Variants in USP37 observed in about 807,000 individuals in gnomAD.
USP37 encodes ubiquitin specific peptidase 37, also known as ubiquitin carboxyl-terminal hydrolase 37.
Under a neutral mutation model 124.0 loss-of-function variants are expected in USP37, and 27 were observed. The observed-to-expected ratio is 0.22, with a 90% CI of 0.16 to 0.30. USP37 has a LOEUF of 0.30. Ranked by LOEUF, USP37 falls within the 10% of genes least tolerant of loss-of-function variation. The pLI is 1.00. For synonymous variants in USP37, 365 were observed against 388.0 expected (o/e 0.94, Z 0.70); for missense variants, 889 against 1,140.4 (o/e 0.78, Z 3.17).
intron 10 of USP37, among the ~76,000 whole-genome samples, chr2:218,510,740 C>T (rs187834602): frequency 6.6e-6 from 1 of 152,284 alleles, no homozygotes; most frequent in African/African-American, 2.4e-5. Context: ...CGCCTGTAAG[C>T]CCAGTACTTT....
chr2:218,493,894 TA>T (rs1199573489), intron 14 of USP37, among the ~76,000 whole-genome samples: 1 of 152,040 alleles, frequency 6.6e-6, no homozygotes, highest in Non-Finnish European at 1.5e-5. Context: ...AATTTTCCTA[TA>T]AAAAAAATTT....
At chr2:218,489,865 TTC>T (rs1691827339) in intron 14 of USP37, among the ~76,000 whole-genome samples, 1 of 152,204 alleles carries the variant, frequency 6.6e-6, no homozygotes, top group South Asian at 2.1e-4. Context: ...GCAATATGTT[TTC>T]TTTTAGTTGG....
intron 10 of USP37, 142 bp downstream of exon 10, chr2:218,529,814 T>C (rs1371244967): frequency 4.9e-6 from 3 of 609,042 alleles, no homozygotes; most frequent in Non-Finnish European, 8.4e-6. Context: ...CTAACTAACA[T>C]GTCAGGATTC....
intron 5 of USP37, among the ~76,000 whole-genome samples, chr2:218,550,466 A>G (rs497983): frequency 0.46 from 70,312 of 151,758 alleles, 19,435 homozygotes; most frequent in East Asian, 0.78. Context: ...GCCAATTTCC[A>G]ACTGATGACC....
At chr2:218,466,260 A>G in intron 20 of USP37, 84 bp from the exon 21 acceptor site, 1 of 1,403,106 alleles carries the variant, frequency 7.1e-7, no homozygotes, top group Non-Finnish European at 9.6e-7. Flanking sequence ...CTGTTCATAA[A>G]GCAATTTACC....
At chr2:218,559,201 C>A (rs1390666623) in intron 3 of USP37, among the ~76,000 whole-genome samples, 1 of 152,090 alleles carries the variant, frequency 6.6e-6, no homozygotes, top group Non-Finnish European at 1.5e-5. Flanking sequence ...GTCTCAGCTT[C>A]TAGAGGGGCT....
chr2:218,475,546 C>A (rs1032243577), intron 19 of USP37, among the ~76,000 whole-genome samples: 2 of 152,110 alleles, frequency 1.3e-5, no homozygotes, highest in Non-Finnish European at 2.9e-5. Flanking sequence ...ATCAGCCTGG[C>A]CAACATGGAT....
At chr2:218,558,829 T>G (rs1004978382) in intron 3 of USP37, 152 bp from the exon 4 acceptor site, 4 of 495,760 alleles carry the variant, frequency 8.1e-6, no homozygotes, top group African/African-American at 7.8e-5. Flanking sequence ...CAGTACTGTA[T>G]TTATTAGTGC....
At chr2:218,550,683 C>A (rs1051735201) in intron 5 of USP37, among the ~76,000 whole-genome samples, 1 of 149,570 alleles carries the variant, frequency 6.7e-6, no homozygotes, top group Non-Finnish European at 1.5e-5. Flanking sequence ...ATGAGAGTAT[C>A]TTGCTTCCCC....
intron 8 of USP37, among the ~76,000 whole-genome samples, chr2:218,540,097 C>G (rs1001390972): frequency 1.3e-5 from 2 of 152,098 alleles, no homozygotes; most frequent in Non-Finnish European, 2.9e-5. Context: ...TTTGGCACAT[C>G]TGAATTGCCA....
At position 218,520,130 on chromosome 2, in the gene USP37, G is replaced by A. The variant is rs1690524071; in HGVS notation, c.863+9826C>T. Among the ~76,000 whole-genome samples the A allele has an allele frequency of 2.6e-5, 4 of 151,578 alleles. No homozygotes were observed. The South Asian group carries it at 8.4e-4, about 32-fold the overall frequency. ...TTTTTGTATTTTTAGTAAAGACGAGGTTTCACCATGTTGTCCAGGCTGGTC... is the reference window on the plus strand; with the variant it reads ...TTTTTGTATTTTTAGTAAAGACGAGATTTCACCATGTTGTCCAGGCTGGTC... On this transcript the variant is annotated intron_variant, in intron 10 of 25. Transcript: ENST00000258399.
Position 218,466,112 on chromosome 2 carries a change from T to G in USP37, c.2364A>C (p.Glu788Asp), listed in dbSNP as rs1277517552. 1.2e-6 allele frequency: 2 copies of G among 1,614,026 alleles called. No individual in the cohort carries two copies. Among genetic ancestry groups the G allele is most frequent in the South Asian group, 1.1e-5 (1 of 91,024 alleles). The change falls in exon 21 of 26, where the codon GAA becomes GAC. Residue 788 changes from glutamate (E) to aspartate (D), a missense_variant. Around this residue, in one of 3 missense-constraint regions of USP37, gnomAD observed 504 missense variants for 714.3 expected, o/e 0.71. Coordinates refer to ENST00000258399, the MANE Select transcript of USP37 (RefSeq NM_020935.3). ...CDENKENKTP[E>D]GSQGEVDWLQ... ...GCCAATCAACTTCTCCCTGAGATCC[T>G]TCTGGAGTTTTGTTTTCTTTATTCT...
intron 10 of USP37, among the ~76,000 whole-genome samples, chr2:218,510,988 G>C (rs6717433): frequency 0.28 from 42,601 of 151,380 alleles, 7,555 homozygotes; most frequent in Non-Finnish European, 0.39. Context: ...AAGTGAGAAG[G>C]CATCTCCAAA....
chr2:218,469,100 G>T (rs1170373471), intron 20 of USP37, among the ~76,000 whole-genome samples: 1 of 152,194 alleles, frequency 6.6e-6, no homozygotes, highest in East Asian at 1.9e-4. Flanking sequence ...GTACTGAATT[G>T]CTGAGTGAAT....
At chr2:218,503,641 G>A (rs1212923044) in intron 11 of USP37, among the ~76,000 whole-genome samples, 1 of 152,160 alleles carries the variant, frequency 6.6e-6, no homozygotes, top group African/African-American at 2.4e-5. Flanking sequence ...CTTGAACCCG[G>A]GAGGCGGAGG....
At chr2:218,490,661 G>C (rs1276517412) in intron 14 of USP37, among the ~76,000 whole-genome samples, 1 of 152,130 alleles carries the variant, frequency 6.6e-6, no homozygotes, top group Non-Finnish European at 1.5e-5. Flanking sequence ...CTCTCTAACA[G>C]GCAGAATTCT....
chr2:218,506,465 A>G (rs1229996348), intron 11 of USP37, among the ~76,000 whole-genome samples: 1 of 149,888 alleles, frequency 6.7e-6, no homozygotes, highest in African/African-American at 2.5e-5. Flanking sequence ...TAATTTTTCT[A>G]TTTTTAGTAG....
intron 22 of USP37, among the ~76,000 whole-genome samples, chr2:218,460,185 G>A (rs191074571): frequency 2.1e-3 from 313 of 151,224 alleles, no homozygotes; most frequent in Non-Finnish European, 3.1e-3. Flanking sequence ...TTGAACCCAG[G>A]AGGCAGAGAT....
At position 218,466,007 on chromosome 2, in the gene USP37, T is replaced by C; in HGVS notation, c.2466+3A>G. On this transcript the variant is annotated splice_donor_region_variant and intron_variant, in intron 21 of 25. Transcript: ENST00000258399. ...AGAAAGTAGCAATATAAATATCTCT[T>C]ACTTGCTCTTGAAGGCTCTGAGCCA... 1 of 1,603,366 alleles carries C rather than the reference T, an allele frequency of 6.2e-7. No homozygotes were observed. Among genetic ancestry groups the C allele is most frequent in the Non-Finnish European group, 8.5e-7 (1 of 1,177,748 alleles).
Sources: allele counts gnomAD v4.1 joint callset (sites outside exome capture counted in the v4.1 genomes callset), GRCh38; gene constraint gnomAD v4.1.1; regional missense constraint gnomAD v4.1.1; transcripts MANE v1.5; gene names NCBI Gene and HGNC (gene_info 2026-07-23, HGNC 2026-07-21).